EPPIN: variants seen among roughly 807,000 people sequenced by gnomAD.
The protein encoded by EPPIN is epididymal peptidase inhibitor.
A neutral mutation model predicts 18.8 loss-of-function variants in EPPIN; 14 were observed. That is an observed-to-expected ratio of 0.75 (90% CI 0.49 to 1.17). The LOEUF (loss-of-function observed/expected upper bound fraction) is 1.17. Ranked by LOEUF, EPPIN falls within the 50% of genes most tolerant of loss-of-function variation. The pLI is 0.00. For synonymous variants in EPPIN, 57 were observed against 54.8 expected (o/e 1.04, Z -0.18); for missense variants, 143 against 154.2 (o/e 0.93, Z 0.39).
At chr20:45,546,936 G>T (rs1013620252) in intron 1 of EPPIN, among the ~76,000 whole-genome samples, 1 of 152,148 alleles carries the variant, frequency 6.6e-6, no homozygotes, top group South Asian at 2.1e-4. Context: ...GAAGGGGCCT[G>T]TTTTGCTTGT....
chr20:45,545,666 C>T lies in EPPIN; in HGVS notation c.196G>A (p.Gly66Arg), dbSNP rs112762127. 360 of 1,613,886 alleles carry T rather than the reference C, an allele frequency of 2.2e-4. No individual in the cohort carries two copies. In the African/African-American group the frequency reaches 2.8e-3, roughly 13 times the overall value. Residue 66 changes from glycine to arginine, a missense_variant, in exon 2 of 4, where the codon GGA becomes AGA. Physicochemically the swap from Gly to Arg is moderately radical, Grantham distance 125. Coordinates refer to ENST00000354280, the MANE Select transcript of EPPIN (RefSeq NM_020398.4). ...DNKKCCVFSC[G>R]KKCLDLKQDV... Reference sequence around the variant, plus strand: ...TGTTTGAGATCTAAACATTTTTTTCCGCAGCTGAAGACACAACACTTCTTG... The same window carrying T: ...TGTTTGAGATCTAAACATTTTTTTCTGCAGCTGAAGACACAACACTTCTTG...
At chr20:45,543,308 C>T (rs559912550) in intron 2 of EPPIN, 1 of 154,140 alleles carries the variant, frequency 6.5e-6, no homozygotes, top group Admixed American at 6.5e-5. Flanking sequence ...ATGCTTCTTC[C>T]CCATAACCCT....
rs2145547863 is a variant in EPPIN, at chr20:45,541,232, G to A, written c.*912C>T. On this transcript the variant is annotated 3_prime_UTR_variant, in exon 4 of 4. Transcript: ENST00000354280. ...GATGAACAATGAGAACACGTGGACTGTTGAGGGGGCAGGGGGAGGGAAAGC... is the reference window on the plus strand; with the variant it reads ...GATGAACAATGAGAACACGTGGACTATTGAGGGGGCAGGGGGAGGGAAAGC... 1 of 152,136 alleles carries A rather than the reference G, an allele frequency of 6.6e-6. No individual in the cohort carries two copies. The highest frequency in any genetic ancestry group is 2.1e-4 in the South Asian group (1 of 4,810). 9.4% of individuals were successfully genotyped at this position (152,136 alleles called of 1,614,324 possible).
chr20:45,542,127 A>G lies in EPPIN; in HGVS notation c.*17T>C, dbSNP rs751229092. ...TGAGCCACATTCTGGCAGTTCTTCC[A>G]GTGCATCCTTATCCAATCAGGGAAA... On this transcript the variant is annotated 3_prime_UTR_variant, in exon 4 of 4. Coordinates refer to ENST00000354280, the MANE Select transcript of EPPIN (RefSeq NM_020398.4). 1 of 1,613,650 alleles carries G rather than the reference A, an allele frequency of 6.2e-7. No individual in the cohort carries two copies. Among genetic ancestry groups the G allele is most frequent in the South Asian group, 1.1e-5 (1 of 90,984 alleles).
Position 45,541,960 on chromosome 20 carries a change from G to A in EPPIN, c.*184C>T, listed in dbSNP as rs1156778782. ...TGAAATCAAAACGGATGGATATTGT[G>A]CATCAAAAGAGCCAAAGATGGAGGA... On this transcript the variant is annotated 3_prime_UTR_variant, in exon 4 of 4. Transcript: ENST00000354280. 6.6e-6 allele frequency: 4 copies of A among 606,614 alleles called. No individual in the cohort carries two copies. In the South Asian group the frequency reaches 9.7e-5, roughly 15 times the overall value. 37.6% of individuals were successfully genotyped at this position (606,614 alleles called of 1,614,324 possible). A position where few individuals can be genotyped will look rare whatever the true frequency, so the allele number is the denominator to read the frequency against.
Position 45,543,265 on chromosome 20 carries a change from A to C in EPPIN, c.224-398T>G, listed in dbSNP as rs561844031. 2.5e-5 allele frequency: 4 copies of C among 159,144 alleles called. No individual in the cohort carries two copies. In the South Asian group the frequency reaches 8.1e-4, roughly 32 times the overall value. The allele number at this position is 159,144 out of a possible 1,614,324, so 9.9% of individuals were successfully genotyped here. On this transcript the variant is annotated intron_variant, in intron 2 of 3. Coordinates refer to ENST00000354280, the MANE Select transcript of EPPIN (RefSeq NM_020398.4). ...CCAAAGAACACCAAAGATTGCCAGC[A>C]AAGCACCAGAAGCCAGGGGAGAGCA...
At chr20:45,544,739 T>C (rs1367202358) in intron 2 of EPPIN, 2 of 152,186 alleles carry the variant, frequency 1.3e-5, no homozygotes, top group African/African-American at 4.8e-5. Context: ...AGTATGAACC[T>C]GGTCATATGA....
chr20:45,545,508 G>A lies in EPPIN; in HGVS notation c.223+131C>T, dbSNP rs184341971. The A allele has an allele frequency of 1.5e-5, 22 of 1,485,174 alleles. No individual in the cohort carries two copies. In the South Asian group the frequency reaches 1.6e-4, roughly 11 times the overall value. The allele number at this position is 1,485,174 out of a possible 1,614,324, so 92.0% of individuals were successfully genotyped here. A position where few individuals can be genotyped will look rare whatever the true frequency, so the allele number is the denominator to read the frequency against. On this transcript the variant is annotated intron_variant, in intron 2 of 3. Coordinates refer to ENST00000354280, the MANE Select transcript of EPPIN (RefSeq NM_020398.4). ...TTTGGCACAGTAATGAATCTAAATC[G>A]CAGGTCTCCCAAGTCCAGCAGTTTT...
In EPPIN at chr20:45,542,050, A is replaced by G; in HGVS notation, c.*94T>C. On this transcript the variant is annotated 3_prime_UTR_variant, in exon 4 of 4. Transcript: ENST00000354280. ...AAGATCTTGGAATGCTGAGAGTGAA[A>G]CTGGAAGCCAGTCTGGAGCATCCGT... 1 of 1,528,616 alleles carries G rather than the reference A, an allele frequency of 6.5e-7. No homozygotes were observed. Among genetic ancestry groups the G allele is most frequent in the Non-Finnish European group, 8.9e-7 (1 of 1,119,682 alleles). The allele number at this position is 1,528,616 out of a possible 1,614,324, so 94.7% of individuals were successfully genotyped here.
intron 3 of EPPIN, 85 bp from the exon 4 acceptor site, chr20:45,542,239 CA>C: frequency 6.4e-7 from 1 of 1,551,774 alleles, no homozygotes; most frequent in South Asian, 1.2e-5. Flanking sequence ...TACATCTTTG[CA>C]CAGAAAGACA....
At chr20:45,542,300 A>C in intron 3 of EPPIN, 146 bp from the exon 4 acceptor site, 1 of 1,043,968 alleles carries the variant, frequency 9.6e-7, no homozygotes, top group Non-Finnish European at 1.4e-6. Flanking sequence ...CCTTCAAGGA[A>C]AAACAAATAG....
Position 45,542,138 on chromosome 20 carries a change from A to G in EPPIN, c.*6T>C, listed in dbSNP as rs1281563216. 6.2e-7 allele frequency: 1 copy of G among 1,613,670 alleles called. No homozygotes were observed. Among genetic ancestry groups the G allele is most frequent in the Admixed American group, 1.7e-5 (1 of 59,992 alleles). On this transcript the variant is annotated 3_prime_UTR_variant, in exon 4 of 4. Coordinates refer to ENST00000354280, the MANE Select transcript of EPPIN (RefSeq NM_020398.4). ...CTGGCAGTTCTTCCAGTGCATCCTT[A>G]TCCAATCAGGGAAAGCCTGCAGAGA...
intron 2 of EPPIN, chr20:45,544,568 T>C (rs935246537): frequency 1.3e-5 from 2 of 152,308 alleles, no homozygotes; most frequent in African/African-American, 4.8e-5. Flanking sequence ...TCTACTTCTC[T>C]GTCAAGTCCT....
At chr20:45,545,991 A>C in intron 1 of EPPIN, 1 of 604,488 alleles carries the variant, frequency 1.7e-6, no homozygotes, top group Non-Finnish European at 2.8e-6. Flanking sequence ...CCCCAGCTCC[A>C]TCCCATCTAA....
rs746956323 is a variant in EPPIN, at chr20:45,547,308, G to A, written c.50C>T (p.Ala17Val). The A allele has an allele frequency of 4.3e-6, 7 of 1,613,794 alleles. No individual in the cohort carries two copies. The highest frequency in any genetic ancestry group is 1.3e-5 in the African/African-American group (1 of 74,900). Reference sequence around the variant, plus strand: ...AGTCAGACCAGGTCCCTGGACATTCGCTAAGAGGACGAATAGCACCAGGAG... The same window carrying A: ...AGTCAGACCAGGTCCCTGGACATTCACTAAGAGGACGAATAGCACCAGGAG... ...LSLLVLFVLL[A>V]NVQGPGLTDW... Residue 17 changes from alanine (A) to valine (V), a missense_variant, in exon 1 of 4, where the codon GCG (alanine) becomes GTG (valine). Transcript: ENST00000354280.
intron 1 of EPPIN, 44 bp from the exon 2 acceptor site, chr20:45,545,814 A>G (rs775460084): frequency 1.9e-6 from 3 of 1,603,662 alleles, no homozygotes; most frequent in East Asian, 4.5e-5. Flanking sequence ...TAGAGAGCAT[A>G]GTGTCTCCCC....
intron 1 of EPPIN, chr20:45,546,149 T>C: frequency 3.2e-6 from 1 of 314,578 alleles, no homozygotes; most frequent in Non-Finnish European, 5.8e-6. Context: ...ACTGAAAATG[T>C]CTCCAGGCAC....
Position 45,542,252 on chromosome 20 carries a change from TA to T in EPPIN, c.392-99del, listed in dbSNP as rs1479972644. On this transcript the variant is annotated intron_variant, in intron 3 of 3. Coordinates refer to ENST00000354280, the MANE Select transcript of EPPIN (RefSeq NM_020398.4). ...TATACATCTTTGCACAGAAAGACAC[TA>T]AAAAGTAGTGGGTTTGCTTTGGGGA... 6 of 1,514,806 alleles carry T rather than the reference TA, an allele frequency of 4.0e-6. No homozygotes were observed. In the Admixed American group the frequency reaches 1.2e-4, roughly 29 times the overall value. The allele number at this position is 1,514,806 out of a possible 1,614,324, so 93.8% of individuals were successfully genotyped here. A position where few individuals can be genotyped will look rare whatever the true frequency, so the allele number is the denominator to read the frequency against.
At chr20:45,543,485 TG>T (rs1379704978) in intron 2 of EPPIN, 1 of 152,228 alleles carries the variant, frequency 6.6e-6, no homozygotes, top group Non-Finnish European at 1.5e-5. Context: ...CAGTTCCATT[TG>T]GGTAAATCTC....
Sources: allele counts gnomAD v4.1 joint callset (sites outside exome capture counted in the v4.1 genomes callset), GRCh38; gene constraint gnomAD v4.1.1; transcripts MANE v1.5; gene names NCBI Gene and HGNC (gene_info 2026-07-23, HGNC 2026-07-21).